Variants in CYP39A1 observed in about 807,000 individuals in gnomAD.
CYP39A1 encodes cytochrome P450 family 39 subfamily A member 1.
A neutral mutation model predicts 58.1 loss-of-function variants in CYP39A1; 49 were observed. That is an observed-to-expected ratio of 0.84 (90% confidence interval 0.67 to 1.07). The LOEUF (loss-of-function observed/expected upper bound fraction) is 1.07, where lower values mean the gene tolerates loss of function less well. Among genes scored for constraint, CYP39A1 ranks in the 50% least tolerant of loss-of-function variants. CYP39A1 has a pLI of 0.00. For missense variants in CYP39A1, 531 were observed against 539.4 expected (o/e 0.98, Z 0.16); for synonymous variants, 209 against 187.6 (o/e 1.11, Z -0.93).
At chr6:46,594,183 T>C (rs1441275378) in intron 8 of CYP39A1, among the ~76,000 whole-genome samples, 2 of 152,076 alleles carry the variant, frequency 1.3e-5, no homozygotes, top group Non-Finnish European at 2.9e-5. Context: ...TTACTTAAAG[T>C]ACTTGCCATA....
chr6:46,646,232 T>G (rs1008297869), intron 1 of CYP39A1, among the ~76,000 whole-genome samples: 4 of 152,098 alleles, frequency 2.6e-5, no homozygotes, highest in Non-Finnish European at 5.9e-5. Flanking sequence ...TTTCATCATT[T>G]AAGTGTCCTG....
At chr6:46,568,776 G>A (rs376983867) in intron 10 of CYP39A1, among the ~76,000 whole-genome samples, 3 of 152,022 alleles carry the variant, frequency 2.0e-5, no homozygotes, top group African/African-American at 7.2e-5. Context: ...ACAGCACACT[G>A]TTTTAATTAC....
At chr6:46,640,290 G>C (rs1776250397) in intron 2 of CYP39A1, among the ~76,000 whole-genome samples, 1 of 152,122 alleles carries the variant, frequency 6.6e-6, no homozygotes, top group Non-Finnish European at 1.5e-5. Context: ...TTCAGAGGCT[G>C]TTCTGTCTGC....
rs1300890285 is a variant in CYP39A1 at position 46,553,803 on chromosome 6, T to C, written c.1302A>G (p.Lys434=). Residue 434 remains lysine, a synonymous_variant, in exon 11 of 12, where the codon AAA becomes AAG. Transcript: ENST00000275016. ...ATGGGTCCAGAAGACTACAGTCATA[T>C]TTATAAAGTATTAAAATAATACACA... ...VQMCIILILY[K]YDCSLLDPLP... 6.2e-7 allele frequency: 1 copy of C among 1,611,324 alleles called. No homozygotes were observed. The highest frequency in any genetic ancestry group is 8.5e-7 in the Non-Finnish European group (1 of 1,178,394).
intron 7 of CYP39A1, among the ~76,000 whole-genome samples, chr6:46,617,295 A>C (rs1035291531): frequency 6.6e-6 from 1 of 152,188 alleles, no homozygotes; most frequent in Non-Finnish European, 1.5e-5. Context: ...ACTATATTAG[A>C]ATTAAATCAT....
Position 46,558,251 on chromosome 6 carries a change from T to C in CYP39A1, c.1251-4397A>G, listed in dbSNP as rs140760397. On this transcript the variant is annotated intron_variant, in intron 10 of 11. Transcript: ENST00000275016. ...AAAGAACTTATCTAAGACTTGGGAA[T>C]TTATGAAAAAAAAAGAGGTTTAATT... Among the ~76,000 whole-genome samples the C allele has an allele frequency of 2.5e-3, 388 of 152,198 alleles. 4 individuals are homozygous for C. The highest frequency in any genetic ancestry group is 8.9e-3 in the African/African-American group (371 of 41,512).
chr6:46,612,386 A>G (rs968371349), intron 7 of CYP39A1, among the ~76,000 whole-genome samples: 1 of 152,256 alleles, frequency 6.6e-6, no homozygotes, highest in African/African-American at 2.4e-5. Flanking sequence ...CTGATCTTCA[A>G]GGCCAAGGGA....
intron 7 of CYP39A1, among the ~76,000 whole-genome samples, chr6:46,624,526 A>C (rs960215754): frequency 1.3e-5 from 2 of 152,140 alleles, no homozygotes; most frequent in Non-Finnish European, 2.9e-5. Flanking sequence ...TTGCCAAGCC[A>C]GTTTACTTTT....
chr6:46,574,792 C>T (rs1771765887), intron 10 of CYP39A1, among the ~76,000 whole-genome samples: 1 of 151,902 alleles, frequency 6.6e-6, no homozygotes, highest in Non-Finnish European at 1.5e-5. Context: ...GAAATAAACA[C>T]AGTTTGTTTT....
intron 1 of CYP39A1, among the ~76,000 whole-genome samples, chr6:46,644,044 T>C (rs1281524008): frequency 1.3e-5 from 2 of 152,230 alleles, no homozygotes; most frequent in African/African-American, 2.4e-5. Flanking sequence ...AACCAAGTTA[T>C]TGACATTGAT....
intron 5 of CYP39A1, 105 bp from the exon 6 acceptor site, chr6:46,631,175 CT>C: frequency 1.1e-6 from 1 of 910,858 alleles, no homozygotes; most frequent in South Asian, 1.5e-5. Flanking sequence ...GATATCATTT[CT>C]GCCATTCCCA....
intron 10 of CYP39A1, chr6:46,586,498 T>C: frequency 1.0e-6 from 1 of 984,852 alleles, no homozygotes; most frequent in Non-Finnish European, 1.2e-6. Flanking sequence ...CTTTTCTGCT[T>C]GAACAAATAA....
At chr6:46,556,606 A>T (rs1770676523) in intron 10 of CYP39A1, among the ~76,000 whole-genome samples, 1 of 152,208 alleles carries the variant, frequency 6.6e-6, no homozygotes, top group Non-Finnish European at 1.5e-5. Flanking sequence ...TCACCATTGT[A>T]CAGCACATGG....
chr6:46,559,028 G>C (rs1770823722), intron 10 of CYP39A1, among the ~76,000 whole-genome samples: 1 of 151,508 alleles, frequency 6.6e-6, no homozygotes, highest in Non-Finnish European at 1.5e-5. Flanking sequence ...GATGGTCTTT[G>C]GGAATTGTGT....
At chr6:46,577,099 T>C (rs1213877837) in intron 10 of CYP39A1, among the ~76,000 whole-genome samples, 3 of 152,176 alleles carry the variant, frequency 2.0e-5, no homozygotes, top group African/African-American at 7.2e-5. Context: ...AAACCTTACA[T>C]GCCATGAGAG....
Position 46,596,175 on chromosome 6 carries a change from T to C in CYP39A1, c.932-55A>G, listed in dbSNP as rs1416534018. 5.0e-6 allele frequency: 7 copies of C among 1,409,286 alleles called. No homozygotes were observed. In the African/African-American group the frequency reaches 8.8e-5, roughly 18 times the overall value. The allele number at this position is 1,409,286 out of a possible 1,614,324, so 87.3% of individuals were successfully genotyped here. On this transcript the variant is annotated intron_variant, in intron 7 of 11. Transcript: ENST00000275016. ...TAGACTACAGAGGTCAGAAAGTGAT[T>C]TCACGTAAGCTCATCAGCAGAGGTT...
At chr6:46,633,172 T>C (rs967008327) in intron 5 of CYP39A1, among the ~76,000 whole-genome samples, 2 of 152,160 alleles carry the variant, frequency 1.3e-5, no homozygotes, top group Non-Finnish European at 2.9e-5. Flanking sequence ...GTTATTACTG[T>C]TTTTGTGATA....
intron 1 of CYP39A1, among the ~76,000 whole-genome samples, chr6:46,645,685 C>A (rs1200958448): frequency 6.6e-6 from 1 of 152,034 alleles, no homozygotes. Flanking sequence ...TTTAGAATAA[C>A]CTTGTCTATA....
chr6:46,603,105 C>T (rs1032442769), intron 7 of CYP39A1, among the ~76,000 whole-genome samples: 4 of 152,186 alleles, frequency 2.6e-5, no homozygotes, highest in African/African-American at 9.7e-5. Flanking sequence ...CTCCTTCTCC[C>T]CTGTATGCAG....
Sources: gnomAD v4.1 joint callset for allele counts (sites outside exome capture counted in the v4.1 genomes callset) on GRCh38, gnomAD v4.1.1 for gene constraint, MANE v1.5 for transcripts, NCBI Gene and HGNC (gene_info 2026-07-23, HGNC 2026-07-21) for gene names.